The following FUT8 variants were observed in gnomAD, a reference collection of about 807,000 sequenced individuals.
The protein encoded by FUT8 is alpha-(1,6)-fucosyltransferase.
A neutral mutation model predicts 71.3 loss-of-function variants in FUT8; 29 were observed. That is an observed-to-expected ratio of 0.41 (90% CI 0.30 to 0.55). The LOEUF (loss-of-function observed/expected upper bound fraction) is 0.55. Among genes scored for constraint, FUT8 ranks in the 20% least tolerant of loss-of-function variants. FUT8 has a pLI of 0.34. For missense variants in FUT8, 544 were observed against 702.1 expected, an observed-to-expected ratio of 0.77 and a Z score of 2.55; for synonymous variants, 254 against 239.3, an observed-to-expected ratio of 1.06 and a Z score of -0.57.
At chr14:65,580,070 TTATA>T (rs59069113) in intron 3 of FUT8, among the ~76,000 whole-genome samples, 3 of 142,846 alleles carry the variant, frequency 2.1e-5, no homozygotes, top group East Asian at 4.1e-4. Context: ...GTGCTATATT[TTATA>T]TATATATATA....
intron 2 of FUT8, among the ~76,000 whole-genome samples, chr14:65,549,770 T>C (rs996991090): frequency 2.0e-4 from 31 of 152,214 alleles, no homozygotes; most frequent in African/African-American, 7.5e-4. Context: ...AACACTGTAG[T>C]ATCTGACAAT....
intron 7 of FUT8, among the ~76,000 whole-genome samples, chr14:65,683,611 G>T (rs1436310953): frequency 2.0e-5 from 3 of 152,138 alleles, no homozygotes; most frequent in African/African-American, 7.2e-5. Flanking sequence ...TGCATTTTCT[G>T]CCAACATAAT....
the FUT8 span, among the ~76,000 whole-genome samples, chr14:65,391,544 C>CG: frequency 6.6e-6 from 1 of 152,108 alleles, no homozygotes; most frequent in Non-Finnish European, 1.5e-5. Context: ...TTAGGAGAGA[C>CG]GGGGTTTCAC....
At chr14:65,364,340 A>C in the FUT8 span, among the ~76,000 whole-genome samples, 9 of 152,012 alleles carry the variant, frequency 5.9e-5, no homozygotes, top group Non-Finnish European at 8.8e-5. Flanking sequence ...AGTAGCTGGG[A>C]TTACAGGCAC....
At position 65,643,610 on chromosome 14, in the gene FUT8, T is replaced by C. The variant is rs149441157; in HGVS notation, c.597+14004T>C. 0.031 allele frequency among the ~76,000 whole-genome samples: 4,706 copies of C among 149,900 alleles called. 182 individuals carry two copies. Among genetic ancestry groups the C allele is most frequent in the East Asian group, 0.094 (471 of 5,032 alleles). ...CGGAGCTTGCAGTGAGCAGAGATCA[T>C]GCCACTGCACTGCAGCCTGGGCGAC... On this transcript the variant is annotated intron_variant, in intron 6 of 10. Transcript: ENST00000673929. The surrounding 1 kb of genome is among the most constrained non-coding windows in gnomAD (Gnocchi z 4.5).
chr14:65,510,630 G>A (rs1332428924), intron 2 of FUT8, among the ~76,000 whole-genome samples: 3 of 151,960 alleles, frequency 2.0e-5, no homozygotes, highest in African/African-American at 7.2e-5. Flanking sequence ...TTTGGGTTTT[G>A]GATTTCTTCA....
rs964418260 is a variant in FUT8 at position 65,723,604 on chromosome 14, G to A, written c.1083-543G>A. On this transcript the variant is annotated intron_variant, in intron 8 of 10. Coordinates refer to ENST00000673929, the MANE Select transcript of FUT8 (RefSeq NM_001371533.1). ...CGTTAAAAGGTTTGCTGGTCTTAAC[G>A]GTGCTGTAAAAGTTTATCCAGGTCT... Among the ~76,000 whole-genome samples, 6 of 152,150 alleles carry A rather than the reference G, an allele frequency of 3.9e-5. No homozygotes were observed. In the South Asian group the frequency reaches 1.0e-3, roughly 26 times the overall value.
chr14:65,433,326 A>C (rs1459622122), intron 1 of FUT8, among the ~76,000 whole-genome samples: 1 of 152,182 alleles, frequency 6.6e-6, no homozygotes, highest in Non-Finnish European at 1.5e-5. Flanking sequence ...CTAGTAGGAT[A>C]TGGTACATAG....
At chr14:65,389,943 C>A in the FUT8 span, among the ~76,000 whole-genome samples, 4 of 150,836 alleles carry the variant, frequency 2.7e-5, no homozygotes, top group Non-Finnish European at 4.4e-5. Flanking sequence ...GAGATCGAGA[C>A]CATCCTGGCC....
intron 5 of FUT8, among the ~76,000 whole-genome samples, chr14:65,620,162 A>T (rs959710381): frequency 6.6e-6 from 1 of 151,940 alleles, no homozygotes. Context: ...TTTTAAATTT[A>T]TTCATTTATT....
intron 9 of FUT8, among the ~76,000 whole-genome samples, chr14:65,728,830 G>A (rs1413524493): frequency 6.6e-6 from 1 of 152,106 alleles, no homozygotes; most frequent in Non-Finnish European, 1.5e-5. Flanking sequence ...GGTATAGTTG[G>A]CTATGCCATC....
chr14:65,402,529 G>A, the FUT8 span, among the ~76,000 whole-genome samples: 40 of 152,232 alleles, frequency 2.6e-4, no homozygotes, highest in Admixed American at 5.9e-4. Flanking sequence ...TTAGCTGGGC[G>A]TGGTGGCAGG....
intron 6 of FUT8, among the ~76,000 whole-genome samples, chr14:65,649,448 A>G (rs929336326): frequency 1.3e-5 from 2 of 152,198 alleles, no homozygotes; most frequent in Non-Finnish European, 2.9e-5. Flanking sequence ...TGAAATAGAA[A>G]AGTTGCTATT....
chr14:65,443,622 A>G (rs1021251342), intron 1 of FUT8, among the ~76,000 whole-genome samples: 1 of 151,860 alleles, frequency 6.6e-6, no homozygotes. Flanking sequence ...TGGGAAACTA[A>G]AGCAAGAAGA....
the FUT8 span, among the ~76,000 whole-genome samples, chr14:65,360,690 C>G: frequency 6.6e-6 from 1 of 152,138 alleles, no homozygotes; most frequent in African/African-American, 2.4e-5. Context: ...CATTTTTGTG[C>G]CTGGGTTTTC....
At chr14:65,565,912 CAT>C (rs1233493543) in intron 3 of FUT8, among the ~76,000 whole-genome samples, 28 of 151,494 alleles carry the variant, frequency 1.8e-4, no homozygotes, top group Non-Finnish European at 3.5e-4. Flanking sequence ...TTTTAAAAAA[CAT>C]ATAAACACAA....
chr14:65,558,375 A>G (rs1009405086), intron 2 of FUT8, among the ~76,000 whole-genome samples: 3 of 152,038 alleles, frequency 2.0e-5, no homozygotes, highest in Non-Finnish European at 2.9e-5. Context: ...AATTAAATTT[A>G]ATCAATCAAG....
In FUT8 at chr14:65,462,711, C is replaced by G. The variant is rs988918397; in HGVS notation, c.-228+6993C>G. On this transcript the variant is annotated intron_variant, in intron 2 of 10. Coordinates refer to ENST00000673929, the MANE Select transcript of FUT8 (RefSeq NM_001371533.1). ...AATTACTGCACAGAGATATTGTGGG[C>G]ACTGAAAAATTCTTTGGTACTACCA... is the stretch of plus-strand genomic sequence containing the variant. Among the ~76,000 whole-genome samples, 4 of 152,240 alleles carry G rather than the reference C, an allele frequency of 2.6e-5. No homozygotes were observed. In the South Asian group the frequency reaches 6.2e-4, roughly 24 times the overall value.
chr14:65,482,618 T>C (rs563796757), intron 2 of FUT8, among the ~76,000 whole-genome samples: 7 of 152,286 alleles, frequency 4.6e-5, no homozygotes, highest in African/African-American at 1.4e-4. Context: ...TGCTGACTAT[T>C]ATGGCTTTAT....
Sources: gnomAD v4.1 joint callset for allele counts (sites outside exome capture counted in the v4.1 genomes callset) on GRCh38, gnomAD v4.1.1 for gene constraint, Gnocchi (gnomAD v3.1) non-coding constraint, MANE v1.5 for transcripts, NCBI Gene and HGNC (gene_info 2026-07-23, HGNC 2026-07-21) for gene names.